Variants in CMIP observed in about 807,000 individuals in gnomAD.
The protein encoded by CMIP is C-Maf-inducing protein.
CMIP carries 13 observed loss-of-function variants against 97.3 expected under a neutral mutation model. The observed-to-expected ratio is 0.13, with a 90% CI of 0.09 to 0.21. The LOEUF is 0.21. Among genes scored for constraint, CMIP ranks in the 10% least tolerant of loss-of-function variants. The probability of loss-of-function intolerance (pLI) is 1.00; values close to 1 mark genes in which losing one functional copy is unlikely to be tolerated. For synonymous variants in CMIP, 538 were observed against 436.3 expected, an observed-to-expected ratio of 1.23 and a Z score of -2.91; for missense variants, 847 against 1,024.9, an observed-to-expected ratio of 0.83 and a Z score of 2.37.
intron 4 of CMIP, among the ~76,000 whole-genome samples, chr16:81,657,572 C>A (rs1027188426): frequency 6.6e-6 from 1 of 152,150 alleles, no homozygotes; most frequent in Non-Finnish European, 1.5e-5. Context: ...TCAGTTCTCC[C>A]TGCCCCAAAA....
In CMIP at chr16:81,502,660, CT is replaced by C. The variant is rs1422633948; in HGVS notation, c.300+57121del. On this transcript the variant is annotated intron_variant, in intron 1 of 20. Coordinates refer to ENST00000537098, the MANE Select transcript of CMIP (RefSeq NM_198390.3). ...AATGAAGTCACATCCAAGACCTGCC[CT>C]TGTGAGAAATGTCAAGTGTTACCGT... 2.0e-5 allele frequency among the ~76,000 whole-genome samples: 3 copies of C among 152,246 alleles called. No individual in the cohort carries two copies. In the East Asian group the frequency reaches 5.8e-4, roughly 29 times the overall value.
intron 1 of CMIP, among the ~76,000 whole-genome samples, chr16:81,474,173 C>T (rs880795): frequency 0.26 from 40,224 of 151,914 alleles, 5,329 homozygotes; most frequent in African/African-American, 0.3. Flanking sequence ...ACTCAGGTTC[C>T]CCCCTGCTCA....
intron 1 of CMIP, among the ~76,000 whole-genome samples, chr16:81,459,062 G>A (rs200554033): frequency 0.45 from 50,429 of 111,990 alleles, 8,758 homozygotes; most frequent in East Asian, 0.58. Context: ...CACCATCACT[G>A]TCACCGTCAC....
chr16:81,671,184 C>T (rs375595057), intron 8 of CMIP, among the ~76,000 whole-genome samples: 3 of 152,282 alleles, frequency 2.0e-5, no homozygotes, highest in East Asian at 3.9e-4. Flanking sequence ...TCTGAAGCTA[C>T]GTATTTCCTA....
intron 6 of CMIP, 66 bp from the exon 7 acceptor site, chr16:81,664,203 A>G (rs1444932744): frequency 6.1e-6 from 9 of 1,467,752 alleles, no homozygotes; most frequent in Non-Finnish European, 7.4e-6. Flanking sequence ...CAGCCCTGCT[A>G]GCAGCCACGG....
intron 1 of CMIP, chr16:81,476,484 G>A (rs1907928659): frequency 2.7e-6 from 2 of 747,726 alleles, no homozygotes; most frequent in South Asian, 2.7e-5. Flanking sequence ...GCTCGCCGTT[G>A]ACAGCGATGT....
At chr16:81,467,293 CT>C (rs1457304848) in intron 1 of CMIP, among the ~76,000 whole-genome samples, 1 of 152,194 alleles carries the variant, frequency 6.6e-6, no homozygotes, top group East Asian at 1.9e-4. Flanking sequence ...TGACAACCTT[CT>C]GCCCCGTTGG....
rs144746798 is a variant in CMIP, at chr16:81,559,234, C to G, written c.301-48333C>G. ...AGACAGTTTGATATCAGACCCCGAACATGGCCTAGGTGGGCTTGGGGTAAG... is the reference window on the plus strand; with the variant it reads ...AGACAGTTTGATATCAGACCCCGAAGATGGCCTAGGTGGGCTTGGGGTAAG... On this transcript the variant is annotated intron_variant, in intron 1 of 20. Transcript: ENST00000537098. Among the ~76,000 whole-genome samples the G allele has an allele frequency of 6.3e-4, 96 of 152,318 alleles. 1 individual carries two copies. In the East Asian group the frequency reaches 0.016, roughly 26 times the overall value.
chr16:81,645,044 C>T (rs986962114), intron 3 of CMIP, among the ~76,000 whole-genome samples: 1 of 152,218 alleles, frequency 6.6e-6, no homozygotes, highest in African/African-American at 2.4e-5. Context: ...TGTTCTCTGT[C>T]TGCACCACTA....
At chr16:81,517,860 C>G (rs966440068) in intron 1 of CMIP, 1 of 831,768 alleles carries the variant, frequency 1.2e-6, no homozygotes, top group Admixed American at 6.2e-5. Context: ...GAGATGCAGC[C>G]AGGGCGCAGA....
chr16:81,470,977 C>T (rs1363577176), intron 1 of CMIP, among the ~76,000 whole-genome samples: 2 of 152,068 alleles, frequency 1.3e-5, no homozygotes, highest in Non-Finnish European at 2.9e-5. Context: ...TGCACACAGG[C>T]ACAAACGTGC....
In CMIP at chr16:81,461,651, C is replaced by G. The variant is rs139196454; in HGVS notation, c.300+16110C>G. Among the ~76,000 whole-genome samples the G allele has an allele frequency of 3.3e-5, 5 of 152,324 alleles. No homozygotes were observed. The East Asian group carries it at 9.6e-4, about 29-fold the overall frequency. On this transcript the variant is annotated intron_variant, in intron 1 of 20. Coordinates refer to ENST00000537098, the MANE Select transcript of CMIP (RefSeq NM_198390.3). ...CAGTGGGATTTTTTTGAAGCCTTCT[C>G]CACACCAGGGTGTTCGCTCTTAAGA...
intron 4 of CMIP, among the ~76,000 whole-genome samples, chr16:81,654,874 T>C (rs1356292116): frequency 6.9e-6 from 1 of 145,852 alleles, no homozygotes; most frequent in Non-Finnish European, 1.5e-5. Flanking sequence ...AGTATGTAAC[T>C]ATGGAGATGA....
At chr16:81,675,706 C>T (rs1177533542) in intron 9 of CMIP, among the ~76,000 whole-genome samples, 1 of 152,168 alleles carries the variant, frequency 6.6e-6, no homozygotes, top group African/African-American at 2.4e-5. Flanking sequence ...TGAAGGAAAT[C>T]CAGTGTGACT....
At chr16:81,599,950 G>A (rs1432811912) in intron 1 of CMIP, among the ~76,000 whole-genome samples, 1 of 152,080 alleles carries the variant, frequency 6.6e-6, no homozygotes, top group Non-Finnish European at 1.5e-5. Context: ...TGAGGCTAGC[G>A]TCTGCATAGC....
intron 1 of CMIP, among the ~76,000 whole-genome samples, chr16:81,494,707 A>G (rs760120827): frequency 9.2e-5 from 14 of 152,226 alleles, no homozygotes; most frequent in Non-Finnish European, 1.6e-4. Context: ...GGTCAGGCCA[A>G]CTGCAAAGCC....
rs375418650 is a variant in CMIP, at chr16:81,678,591, C to T, written c.1351C>T (p.Arg451Cys). The T allele has an allele frequency of 7.2e-5, 115 of 1,600,664 alleles. No homozygotes were observed. The African/African-American group carries it at 1.2e-3, about 17-fold the overall frequency. The change falls in exon 10 of 21, where the codon CGC (arginine) becomes TGC (cysteine). Residue 451 changes from arginine (R) to cysteine (C), a missense_variant. Transcript: ENST00000537098. ...CATCGAGCTGGGCCCCCAGGCCGAC[C>T]GCACGCTCGGCTGCTACGTGGAAAT... ...MSIELGPQADRTLGCYVEILK... is the reference protein window; with the variant it reads ...MSIELGPQADCTLGCYVEILK...
At chr16:81,628,147 C>A (rs1004324083) in intron 3 of CMIP, among the ~76,000 whole-genome samples, 22 of 152,116 alleles carry the variant, frequency 1.4e-4, no homozygotes, top group Admixed American at 9.8e-4. Context: ...GGCTCTGGAC[C>A]GGGCCTCCAG....
intron 1 of CMIP, among the ~76,000 whole-genome samples, chr16:81,598,331 T>C (rs150967707): frequency 4.6e-5 from 7 of 152,284 alleles, no homozygotes; most frequent in Non-Finnish European, 7.3e-5. Flanking sequence ...TCTGGCTCTT[T>C]ACAGTCAAAT....
Sources: allele counts gnomAD v4.1 joint callset (sites outside exome capture counted in the v4.1 genomes callset), GRCh38; gene constraint gnomAD v4.1.1; transcripts MANE v1.5; gene names NCBI Gene and HGNC (gene_info 2026-07-23, HGNC 2026-07-21).